The following SOD2 variants were observed in gnomAD, a reference collection of about 807,000 sequenced individuals.
SOD2 encodes the protein superoxide dismutase [Mn], mitochondrial.
In SOD2, 11 loss-of-function variants were observed where a neutral mutation model predicts 27.0. That is an observed-to-expected ratio of 0.41 (90% CI 0.26 to 0.67). SOD2 has a LOEUF of 0.67. Ranked by LOEUF, SOD2 falls within the 30% of genes least tolerant of loss-of-function variation. The pLI, the probability that SOD2 is intolerant of heterozygous loss-of-function variation, is 0.34. For missense variants in SOD2, 250 were observed against 274.5 expected (o/e 0.91, Z 0.63); for synonymous variants, 105 against 103.0 (o/e 1.02, Z -0.12).
At chr6:159,713,085 T>C in intron 1 of SOD2, 1 of 708,490 alleles carries the variant, frequency 1.4e-6, no homozygotes, top group Non-Finnish European at 2.4e-6. Context: ...ATAGAAATTA[T>C]AACATTCTTA....
chr6:159,733,265 A>G (rs1433907779), intron 1 of SOD2, among the ~76,000 whole-genome samples: 3 of 152,342 alleles, frequency 2.0e-5, no homozygotes, highest in South Asian at 2.1e-4. Context: ...ACTGTATACA[A>G]TTAGCTCAGA....
At position 159,692,845 on chromosome 6, in the gene SOD2, A is replaced by G. The variant is rs1389953998; in HGVS notation, c.42T>C (p.Ala14=). The G allele has an allele frequency of 6.2e-7, 1 of 1,610,762 alleles. No homozygotes were observed. The highest frequency in any genetic ancestry group is 8.5e-7 in the Non-Finnish European group (1 of 1,178,966). Residue 14 remains alanine (A), a synonymous_variant, in exon 2 of 5, where the codon GCT becomes GCC. Transcript: ENST00000538183. ...TGGAGCCCAGATACCCCAAAACCGG[A>G]GCCAGCTGCCTGCTGGTGCTGAAGA... is the stretch of plus-strand genomic sequence containing the variant. ...RAVCGTSRQL[A]PVLGYLGSRQ... is the part of the protein sequence containing the mutation.
intron 1 of SOD2, among the ~76,000 whole-genome samples, chr6:159,754,115 T>C (rs1779919164): frequency 6.6e-6 from 1 of 152,234 alleles, no homozygotes; most frequent in Non-Finnish European, 1.5e-5. Flanking sequence ...AGTGTAGCTG[T>C]ATCTCTGTTT....
intron 2 of SOD2, among the ~76,000 whole-genome samples, chr6:159,690,058 C>A (rs1452921521): frequency 6.7e-6 from 1 of 149,844 alleles, no homozygotes. Flanking sequence ...CTGAGATGGG[C>A]GGATCACTTG....
upstream of SOD2, chr6:159,749,522 T>C (rs1779747275): frequency 1.2e-6 from 1 of 825,028 alleles, no homozygotes; most frequent in Non-Finnish European, 1.5e-6. Flanking sequence ...TGAGAGCAGA[T>C]TCATTTTGGA....
At chr6:159,761,984 G>A in exon 1 of SOD2, 1 of 1,332,778 alleles carries the variant, frequency 7.5e-7, no homozygotes, top group South Asian at 1.2e-5. Flanking sequence ...AGGGCGAGGG[G>A]CGGGGCTACC....
rs939926675 is a variant in SOD2 at position 159,673,491 on chromosome 6, A to G, written c.*9002T>C. The stretch of plus-strand genomic sequence containing the variant: ...TGGAAACTGAACAACCTGCTCCTGA[A>G]TGACTACTGGGTACATAACAAAATG... On this transcript the variant is annotated 3_prime_UTR_variant, in exon 5 of 5. Transcript: ENST00000538183. 5 of 152,194 alleles carry G rather than the reference A, an allele frequency of 3.3e-5. 1 individual carries two copies. In the South Asian group the frequency reaches 1.0e-3, roughly 32 times the overall value. The allele number at this position is 152,194 out of a possible 1,614,324, so 9.4% of individuals were successfully genotyped here.
At chr6:159,705,620 A>C (rs183453516) in intron 1 of SOD2, among the ~76,000 whole-genome samples, 372 of 152,356 alleles carry the variant, frequency 2.4e-3, no homozygotes, top group Non-Finnish European at 3.9e-3. Flanking sequence ...GACTATGTGA[A>C]AAGACCAAAT....
chr6:159,707,741 G>C (rs1583034013), intron 1 of SOD2, among the ~76,000 whole-genome samples: 1 of 152,180 alleles, frequency 6.6e-6, no homozygotes, highest in South Asian at 2.1e-4. Flanking sequence ...AATAGAAAAA[G>C]AGGGAATCCT....
chr6:159,727,742 C>T (rs956412406), upstream of SOD2: 6 of 981,250 alleles, frequency 6.1e-6, no homozygotes, highest in Middle Eastern at 5.2e-4. Flanking sequence ...ACGCGGGGGA[C>T]CTCCGGGGCC....
At chr6:159,744,982 A>G (rs527551642) in intron 1 of SOD2, 3 of 152,334 alleles carry the variant, frequency 2.0e-5, no homozygotes, top group African/African-American at 7.2e-5. Context: ...CACCTGGCCC[A>G]TTATCATTTT....
chr6:159,688,152 C>A lies in SOD2; in HGVS notation c.317G>T (p.Ser106Ile). 6.2e-7 allele frequency: 1 copy of A among 1,612,186 alleles called. No homozygotes were observed. Among genetic ancestry groups the A allele is most frequent in the South Asian group, 1.1e-5 (1 of 91,048 alleles). Residue 106 changes from serine (S) to isoleucine (I), a missense_variant, in exon 3 of 5, where the codon AGC becomes ATC. Physicochemically the swap from Ser to Ile is moderately radical, Grantham distance 142. Coordinates refer to ENST00000538183, the MANE Select transcript of SOD2 (RefSeq NM_000636.4). ...INHSIFWTNL[S>I]PNGGGEPKGE... The stretch of plus-strand genomic sequence containing the variant: ...TTTGGGTTCTCCACCACCGTTAGGG[C>A]TGAGGTTTGTCCAGAAAATGCTATG...
intron 1 of SOD2, chr6:159,726,673 G>A (rs1778183683): frequency 1.2e-6 from 1 of 865,968 alleles, no homozygotes; most frequent in Non-Finnish European, 1.6e-6. Context: ...CCTTCCCCGT[G>A]TTCCAGTTAG....
intron 1 of SOD2, among the ~76,000 whole-genome samples, chr6:159,754,270 C>T (rs1028311242): frequency 6.6e-6 from 1 of 152,178 alleles, no homozygotes; most frequent in Admixed American, 6.5e-5. Context: ...TCAAAATCTT[C>T]AGGAATTATT....
At chr6:159,753,200 C>T (rs1163485569) in intron 1 of SOD2, among the ~76,000 whole-genome samples, 3 of 152,110 alleles carry the variant, frequency 2.0e-5, no homozygotes. Flanking sequence ...AGATGGATTT[C>T]AGAATTGATT....
chr6:159,750,632 T>C (rs566339773), intron 1 of SOD2, among the ~76,000 whole-genome samples: 1 of 152,234 alleles, frequency 6.6e-6, no homozygotes, highest in East Asian at 1.9e-4. Context: ...TGTTTTTTTT[T>C]ACTTGGTCTC....
At chr6:159,709,054 G>A (rs1777680300) in intron 1 of SOD2, among the ~76,000 whole-genome samples, 1 of 152,192 alleles carries the variant, frequency 6.6e-6, no homozygotes, top group Non-Finnish European at 1.5e-5. Context: ...GGGAAAACTG[G>A]CTAGCCATAT....
At position 159,677,684 on chromosome 6, in the gene SOD2, C is replaced by G. The variant is rs1397027819; in HGVS notation, c.*4809G>C. ...TCACCCAGGCTGGAGTGCAGTAGCA[C>G]AATCATAGCTCACTACAGCTGCAAA... On this transcript the variant is annotated 3_prime_UTR_variant, in exon 5 of 5. Coordinates refer to ENST00000538183, the MANE Select transcript of SOD2 (RefSeq NM_000636.4). 3 of 152,196 alleles carry G rather than the reference C, an allele frequency of 2.0e-5. No individual in the cohort carries two copies. The East Asian group carries it at 5.8e-4, about 29-fold the overall frequency. 9.4% of individuals were successfully genotyped at this position (152,196 alleles called of 1,614,324 possible). A position where few individuals can be genotyped will look rare whatever the true frequency, so the allele number is the denominator to read the frequency against.
At chr6:159,694,899 C>A (rs1365062137), upstream of SOD2, among the ~76,000 whole-genome samples, 1 of 151,952 alleles carries the variant, frequency 6.6e-6, no homozygotes. Context: ...CCACGGCGCC[C>A]GGCCTATAGA....
Sources: allele counts gnomAD v4.1 joint callset (sites outside exome capture counted in the v4.1 genomes callset), GRCh38; gene constraint gnomAD v4.1.1; transcripts MANE v1.5; gene names NCBI Gene and HGNC (gene_info 2026-07-23, HGNC 2026-07-21).